Variants in SMAD9 observed in about 807,000 individuals in gnomAD.
The protein encoded by SMAD9 is SMAD family member 9.
Under a neutral mutation model 46.1 loss-of-function variants are expected in SMAD9, and 36 were observed. The ratio of observed to expected loss-of-function variants is 0.78; its 90% CI spans 0.60 to 1.03. SMAD9 has a LOEUF of 1.03. Ranked by LOEUF, SMAD9 falls within the 50% of genes least tolerant of loss-of-function variation. The pLI is 0.00. For synonymous variants in SMAD9, 245 were observed against 237.1 expected, an observed-to-expected ratio of 1.03 and a Z score of -0.31; for missense variants, 572 against 599.8, an observed-to-expected ratio of 0.95 and a Z score of 0.48.
At position 36,848,759 on chromosome 13, in the gene SMAD9, G is replaced by C. The variant is rs774335034; in HGVS notation, c.1321C>G (p.His441Asp). The change falls in exon 7 of 7, where the codon CAT becomes GAT. Residue 441 changes from histidine (H) to aspartate (D), a missense_variant. His to Asp is a moderately conservative substitution (Grantham distance 81). Coordinates refer to ENST00000379826, the MANE Select transcript of SMAD9 (RefSeq NM_001127217.3). ...VTSTPCWIEI[H>D]LHGPLQWLDK... ...AGCCACTGCAGTGGCCCATGAAGAT[G>C]AATCTCAATCCAGCAGGGGGTGCTG... 1.2e-6 allele frequency: 2 copies of C among 1,613,924 alleles called. No individual in the cohort carries two copies. The highest frequency in any genetic ancestry group is 1.7e-6 in the Non-Finnish European group (2 of 1,179,806).
At chr13:36,877,848 G>A (rs543182970) in intron 2 of SMAD9, among the ~76,000 whole-genome samples, 79 of 152,242 alleles carry the variant, frequency 5.2e-4, no homozygotes, top group African/African-American at 1.8e-3. Context: ...GACTGAGGTA[G>A]GCTGGGCATA....
At chr13:36,880,984 A>G (rs1204829138) in intron 1 of SMAD9, among the ~76,000 whole-genome samples, 2 of 152,216 alleles carry the variant, frequency 1.3e-5, no homozygotes, top group Non-Finnish European at 1.5e-5. Context: ...TTAAAAGTGG[A>G]AATTTTCAAG....
chr13:36,850,316 T>C (rs2058064333), intron 6 of SMAD9, among the ~76,000 whole-genome samples: 1 of 152,188 alleles, frequency 6.6e-6, no homozygotes, highest in South Asian at 2.1e-4. Flanking sequence ...ATTCTGTCCC[T>C]TCTGTCCCAT....
chr13:36,916,750 G>A (rs1055635093), intron 1 of SMAD9, among the ~76,000 whole-genome samples: 1 of 151,682 alleles, frequency 6.6e-6, no homozygotes, highest in African/African-American at 2.4e-5. Context: ...AAAAGGCGAA[G>A]AGCCACAGGA....
chr13:36,896,109 G>GTACTTATTTATT (rs1472268061), intron 1 of SMAD9, among the ~76,000 whole-genome samples: 10 of 148,528 alleles, frequency 6.7e-5, no homozygotes, highest in African/African-American at 2.5e-4. Flanking sequence ...ATCCTGTTGA[G>GTACTTATTTATT]TATTTATTTA....
chr13:36,872,720 G>T lies in SMAD9; in HGVS notation c.608C>A (p.Thr203Lys), dbSNP rs753212287. 1.9e-6 allele frequency: 3 copies of T among 1,614,000 alleles called. No homozygotes were observed. The South Asian group carries it at 3.3e-5, about 18-fold the overall frequency. ...TCCTGGGGAGTGAGGGTAGCTGGCC[G>T]TGCACGGGGACTGGGAGAACGCGTG... ...PSHAFSQSPC[T>K]ASYPHSPGSP... Residue 203 changes from threonine (T) to lysine (K), a missense_variant, in exon 3 of 7, where the codon ACG (threonine) becomes AAG (lysine). Transcript: ENST00000379826.
rs2058042502 is a variant in SMAD9 at position 36,847,090 on chromosome 13, A to G, written c.*1586T>C. 6.6e-6 allele frequency: 1 copy of G among 152,218 alleles called. No homozygotes were observed. The highest frequency in any genetic ancestry group is 1.5e-5 in the Non-Finnish European group (1 of 68,032). 9.4% of individuals were successfully genotyped at this position (152,218 alleles called of 1,614,324 possible). ...TAATAATTCTTTTCTATGTGTATAT[A>G]TGAAAGTTTCTATTAGCTAACACTA... On this transcript the variant is annotated 3_prime_UTR_variant, in exon 7 of 7. Transcript: ENST00000379826.
chr13:36,883,325 A>T (rs972405840), intron 1 of SMAD9, among the ~76,000 whole-genome samples: 1 of 152,084 alleles, frequency 6.6e-6, no homozygotes, highest in African/African-American at 2.4e-5. Context: ...CAGTTACTAC[A>T]TTTCCAAAAA....
intron 1 of SMAD9, among the ~76,000 whole-genome samples, chr13:36,912,590 AC>A (rs1441845651): frequency 6.6e-6 from 1 of 152,090 alleles, no homozygotes; most frequent in Non-Finnish European, 1.5e-5. Flanking sequence ...AAACTCACTC[AC>A]CCTTGAACCA....
chr13:36,873,619 T>C (rs1427481238), intron 2 of SMAD9, among the ~76,000 whole-genome samples: 1 of 152,178 alleles, frequency 6.6e-6, no homozygotes, highest in African/African-American at 2.4e-5. Context: ...TACCAGCACT[T>C]TGAGAGGCCG....
intron 3 of SMAD9, among the ~76,000 whole-genome samples, chr13:36,870,574 G>A (rs1299357677): frequency 6.7e-6 from 1 of 150,112 alleles, no homozygotes; most frequent in Non-Finnish European, 1.5e-5. Flanking sequence ...TGTATGTGAT[G>A]GCTCTCAATA....
rs563740905 is a variant in SMAD9, at chr13:36,845,184, A to C, written c.*3492T>G. 1 of 152,112 alleles carries C rather than the reference A, an allele frequency of 6.6e-6. No individual in the cohort carries two copies. Among genetic ancestry groups the C allele is most frequent in the South Asian group, 2.1e-4 (1 of 4,818 alleles). 9.4% of individuals were successfully genotyped at this position (152,112 alleles called of 1,614,324 possible). A position where few individuals can be genotyped will look rare whatever the true frequency, so the allele number is the denominator to read the frequency against. Reference sequence around the variant, plus strand: ...GTTAAGCAGGTGCTTACAGTCTATCAAGTGATATTTATGAAATGTTTTTGT... The same window carrying C: ...GTTAAGCAGGTGCTTACAGTCTATCCAGTGATATTTATGAAATGTTTTTGT... On this transcript the variant is annotated 3_prime_UTR_variant, in exon 7 of 7. Coordinates refer to ENST00000379826, the MANE Select transcript of SMAD9 (RefSeq NM_001127217.3).
chr13:36,910,161 T>C lies in SMAD9; in HGVS notation c.-187+9955A>G, dbSNP rs534213. Among the ~76,000 whole-genome samples the C allele has an allele frequency of 7.4e-3, 1,110 of 150,706 alleles. 12 individuals carry two copies. The highest frequency in any genetic ancestry group is 0.025 in the African/African-American group (1,035 of 40,970). Reference sequence around the variant, plus strand: ...GCAGTGAGCCGAGATCGCGCCACTGTACTCCGGCGTGGGGGACACAGCGAG... The same window carrying C: ...GCAGTGAGCCGAGATCGCGCCACTGCACTCCGGCGTGGGGGACACAGCGAG... On this transcript the variant is annotated intron_variant, in intron 1 of 6. Coordinates refer to ENST00000379826, the MANE Select transcript of SMAD9 (RefSeq NM_001127217.3).
Position 36,865,417 on chromosome 13 carries a change from C to T in SMAD9, c.1003+120G>A, listed in dbSNP as rs187309600. 43 of 786,430 alleles carry T rather than the reference C, an allele frequency of 5.5e-5. No homozygotes were observed. The East Asian group carries it at 1.0e-3, about 19-fold the overall frequency. The allele number at this position is 786,430 out of a possible 1,614,324, so 48.7% of individuals were successfully genotyped here. A position where few individuals can be genotyped will look rare whatever the true frequency, so the allele number is the denominator to read the frequency against. On this transcript the variant is annotated intron_variant, in intron 5 of 6. Transcript: ENST00000379826. ...TCAGAGCTATCTCAGAGCTCACCAG[C>T]CCTGGGGTCCTTCCACAGGGGCACA...
intron 3 of SMAD9, among the ~76,000 whole-genome samples, chr13:36,869,238 CTTTT>C (rs563733584): frequency 7.1e-6 from 1 of 141,236 alleles, no homozygotes; most frequent in Non-Finnish European, 1.6e-5. Flanking sequence ...TCAGATTGTA[CTTTT>C]TTTTTTTTTT....
In SMAD9 at chr13:36,871,060, C is replaced by T. The variant is rs942417044; in HGVS notation, c.670+1598G>A. 3.3e-5 allele frequency among the ~76,000 whole-genome samples: 5 copies of T among 152,174 alleles called. No homozygotes were observed. The South Asian group carries it at 1.0e-3, about 31-fold the overall frequency. On this transcript the variant is annotated intron_variant, in intron 3 of 6. Coordinates refer to ENST00000379826, the MANE Select transcript of SMAD9 (RefSeq NM_001127217.3). ...CCAGTATTTTCAGGCTGCAACTGACCTCTGGTAGCTGAAACCTCAGATAAG... is the reference window on the plus strand; with the variant it reads ...CCAGTATTTTCAGGCTGCAACTGACTTCTGGTAGCTGAAACCTCAGATAAG...
chr13:36,891,008 C>T (rs1398108355), intron 1 of SMAD9, among the ~76,000 whole-genome samples: 13 of 152,062 alleles, frequency 8.5e-5, no homozygotes, highest in Admixed American at 5.2e-4. Flanking sequence ...TTTTATGGGG[C>T]TTATTAGAAA....
chr13:36,900,426 G>C (rs536608632), intron 1 of SMAD9, among the ~76,000 whole-genome samples: 92 of 151,488 alleles, frequency 6.1e-4, no homozygotes, highest in African/African-American at 2.2e-3. Flanking sequence ...GATTACAGGC[G>C]CATGCCACCA....
intron 1 of SMAD9, among the ~76,000 whole-genome samples, chr13:36,890,797 C>A (rs1593603665): frequency 6.6e-6 from 1 of 151,858 alleles, no homozygotes; most frequent in Admixed American, 6.6e-5. Context: ...CTTTCTCTCA[C>A]CCCCCACTCT....
Sources: gnomAD v4.1 joint callset for allele counts (sites outside exome capture counted in the v4.1 genomes callset) on GRCh38, gnomAD v4.1.1 for gene constraint, MANE v1.5 for transcripts, NCBI Gene and HGNC (gene_info 2026-07-23, HGNC 2026-07-21) for gene names.